Variants in TAF3 observed in about 807,000 individuals in gnomAD.
The protein encoded by TAF3 is transcription initiation factor TFIID subunit 3.
TAF3 carries 7 observed loss-of-function variants against 80.6 expected under a neutral mutation model. The observed-to-expected ratio is 0.09, with a 90% CI of 0.05 to 0.16. The LOEUF is 0.16. Among genes scored for constraint, TAF3 ranks in the 10% least tolerant of loss-of-function variants. The probability of loss-of-function intolerance (pLI) is 1.00; values close to 1 mark genes in which losing one functional copy is unlikely to be tolerated. For synonymous variants in TAF3, 444 were observed against 446.1 expected (o/e 1.00, Z 0.06); for missense variants, 921 against 1,140.2 (o/e 0.81, Z 2.77).
At chr10:7,935,625 G>A (rs1837911541) in intron 2 of TAF3, among the ~76,000 whole-genome samples, 1 of 148,804 alleles carries the variant, frequency 6.7e-6, no homozygotes, top group Non-Finnish European at 1.5e-5. Flanking sequence ...AAGCTAAGTA[G>A]AGGGCCAGAG....
chr10:7,993,449 G>A (rs1831853545), intron 4 of TAF3, among the ~76,000 whole-genome samples: 1 of 152,218 alleles, frequency 6.6e-6, no homozygotes, highest in Non-Finnish European at 1.5e-5. Context: ...GAATTGCTGA[G>A]ATTATAGGCG....
Position 7,964,297 on chromosome 10 carries a change from T to A in TAF3, c.787T>A (p.Leu263Ile), listed in dbSNP as rs767688607. Residue 263 changes from leucine (L) to isoleucine (I), a missense_variant, in exon 3 of 7, where the codon TTA becomes ATA. Transcript: ENST00000344293. The surrounding 1 kb of genome is among the most constrained non-coding windows in gnomAD (Gnocchi z 4.1). ...ATCACAAATGCCAACTGCAAAACCATTAGAAACAAAGTCATTTACACCTAA... is the reference window on the plus strand; with the variant it reads ...ATCACAAATGCCAACTGCAAAACCAATAGAAACAAAGTCATTTACACCTAA... ...AKSQMPTAKP[L>I]ETKSFTPKTK... The A allele has an allele frequency of 1.9e-6, 3 of 1,614,028 alleles. 1 individual carries two copies. The South Asian group carries it at 3.3e-5, about 18-fold the overall frequency.
At chr10:7,938,362 T>G (rs1400507840) in intron 2 of TAF3, among the ~76,000 whole-genome samples, 1 of 152,122 alleles carries the variant, frequency 6.6e-6, no homozygotes, top group Non-Finnish European at 1.5e-5. Flanking sequence ...CTGTTATATT[T>G]TAGTTCAGGG....
chr10:7,974,894 T>C (rs1011459643), intron 3 of TAF3, among the ~76,000 whole-genome samples: 75 of 151,846 alleles, frequency 4.9e-4, no homozygotes, highest in African/African-American at 1.8e-3. Context: ...GCCAACACGG[T>C]GAAACCCCGT....
intron 2 of TAF3, among the ~76,000 whole-genome samples, chr10:7,904,015 G>C (rs188132359): frequency 6.6e-6 from 1 of 152,162 alleles, no homozygotes; most frequent in East Asian, 1.9e-4. Flanking sequence ...TTCACGGTGC[G>C]TCTGAGTTGG....
At chr10:7,858,826 G>A (rs1203141154) in intron 2 of TAF3, among the ~76,000 whole-genome samples, 1 of 84,136 alleles carries the variant, frequency 1.2e-5, no homozygotes, top group African/African-American at 4.9e-5. Flanking sequence ...GTGTGTGTGT[G>A]TGCGCGCGCC....
intron 4 of TAF3, among the ~76,000 whole-genome samples, chr10:7,993,332 C>G (rs1221516032): frequency 2.6e-5 from 4 of 152,182 alleles, no homozygotes; most frequent in Non-Finnish European, 5.9e-5. Flanking sequence ...GCACATGCCA[C>G]TACACCCAGC....
chr10:8,016,586 TGA>T lies in TAF3; in HGVS notation c.*1837_*1838del, dbSNP rs1190174668. ...CGCGTTAGTGGTTTTTGGAGAGGGG[TGA>T]GGGGTGGGGGAAGTGCAAAATAAAG... On this transcript the variant is annotated 3_prime_UTR_variant, in exon 7 of 7. Transcript: ENST00000344293. 1 of 151,230 alleles carries T rather than the reference TGA, an allele frequency of 6.6e-6. No homozygotes were observed. The highest frequency in any genetic ancestry group is 1.5e-5 in the Non-Finnish European group (1 of 67,876). 9.4% of individuals were successfully genotyped at this position (151,230 alleles called of 1,614,324 possible). A position where few individuals can be genotyped will look rare whatever the true frequency, so the allele number is the denominator to read the frequency against.
At chr10:7,860,381 A>G (rs1210296453) in intron 2 of TAF3, among the ~76,000 whole-genome samples, 2 of 152,164 alleles carry the variant, frequency 1.3e-5, no homozygotes, top group Non-Finnish European at 2.9e-5. Flanking sequence ...CATATGATCT[A>G]TGAGAGAATA....
rs990650737 is a variant in TAF3 at position 7,939,002 on chromosome 10, C to G, written c.410-24918C>G. 1.1e-4 allele frequency among the ~76,000 whole-genome samples: 17 copies of G among 152,154 alleles called. 1 individual carries two copies. Among genetic ancestry groups the G allele is most frequent in the African/African-American group, 3.6e-4 (15 of 41,418 alleles). On this transcript the variant is annotated intron_variant, in intron 2 of 6. Transcript: ENST00000344293. Reference sequence around the variant, plus strand: ...GGAAGAGATGGAAAGTGGGAACTGACTTAGCAGAGTAGAGGAAGCTAAAAC... The same window carrying G: ...GGAAGAGATGGAAAGTGGGAACTGAGTTAGCAGAGTAGAGGAAGCTAAAAC...
intron 2 of TAF3, among the ~76,000 whole-genome samples, chr10:7,962,756 T>C (rs2131411357): frequency 6.6e-6 from 1 of 152,346 alleles, no homozygotes; most frequent in Non-Finnish European, 1.5e-5. Flanking sequence ...CTGTAGCACT[T>C]TATCTGTCTG....
intron 4 of TAF3, among the ~76,000 whole-genome samples, chr10:7,993,571 T>G (rs893694079): frequency 5.3e-5 from 8 of 152,346 alleles, no homozygotes; most frequent in African/African-American, 1.9e-4. Context: ...GTTTACTTCT[T>G]CGTAGTGTCA....
At chr10:7,990,546 A>G (rs987611767) in intron 4 of TAF3, among the ~76,000 whole-genome samples, 3 of 152,198 alleles carry the variant, frequency 2.0e-5, no homozygotes. Flanking sequence ...GCATGCATAC[A>G]TCTGTAAATC....
At chr10:7,885,698 T>C (rs186166698) in intron 2 of TAF3, among the ~76,000 whole-genome samples, 1 of 152,352 alleles carries the variant, frequency 6.6e-6, no homozygotes, top group East Asian at 1.9e-4. Flanking sequence ...CAGTCTTCAT[T>C]ATCTCCCAAA....
chr10:7,878,022 A>AT (rs1308966965), intron 2 of TAF3, among the ~76,000 whole-genome samples: 9 of 151,994 alleles, frequency 5.9e-5, no homozygotes, highest in Admixed American at 1.3e-4. Context: ...TTCAGTAAAC[A>AT]TTTTTTTTAA....
At position 7,824,367 on chromosome 10, in the gene TAF3, G is replaced by A. The variant is rs1478769019; in HGVS notation, c.216G>A (p.Leu72=). 1.9e-6 allele frequency: 3 copies of A among 1,614,042 alleles called. No homozygotes were observed. Among genetic ancestry groups the A allele is most frequent in the Non-Finnish European group, 2.5e-6 (3 of 1,180,026 alleles). ...ILDDVGEAFQ[L]MGVSLHELED... Reference sequence around the variant, plus strand: ...ATGATGTTGGTGAAGCTTTCCAGCTGATGGGGGTTAGTCTACATGAACTAG... The same window carrying A: ...ATGATGTTGGTGAAGCTTTCCAGCTAATGGGGGTTAGTCTACATGAACTAG... Residue 72 remains leucine (L), a synonymous_variant, in exon 2 of 7, where the codon CTG becomes CTA. Transcript: ENST00000344293.
At chr10:7,902,989 G>A (rs1837573876) in intron 2 of TAF3, among the ~76,000 whole-genome samples, 1 of 152,052 alleles carries the variant, frequency 6.6e-6, no homozygotes, top group African/African-American at 2.4e-5. Flanking sequence ...GGGAAGCCGA[G>A]GTAGGAGGAT....
At chr10:7,875,912 T>C (rs985726645) in intron 2 of TAF3, among the ~76,000 whole-genome samples, 65 of 152,100 alleles carry the variant, frequency 4.3e-4, no homozygotes, top group African/African-American at 1.5e-3. Flanking sequence ...CGACTAATTT[T>C]ACCGACAGAA....
chr10:7,843,587 A>G (rs1414309880), intron 2 of TAF3, among the ~76,000 whole-genome samples: 1 of 152,020 alleles, frequency 6.6e-6, no homozygotes, highest in African/African-American at 2.4e-5. Flanking sequence ...TACCACAGGA[A>G]AAAAGTATAA....
Sources: gnomAD v4.1 joint callset for allele counts (sites outside exome capture counted in the v4.1 genomes callset) on GRCh38, gnomAD v4.1.1 for gene constraint, Gnocchi (gnomAD v3.1) non-coding constraint, MANE v1.5 for transcripts, NCBI Gene and HGNC (gene_info 2026-07-23, HGNC 2026-07-21) for gene names.